The following ANTXR2 variants were observed in gnomAD, a reference collection of about 807,000 sequenced individuals.
The protein encoded by ANTXR2 is ANTXR cell adhesion molecule 2, also known as anthrax toxin receptor 2.
A neutral mutation model predicts 73.7 loss-of-function variants in ANTXR2; 44 were observed. That is an observed-to-expected ratio of 0.60 (90% CI 0.47 to 0.77). The LOEUF (loss-of-function observed/expected upper bound fraction) is 0.77. Among genes scored for constraint, ANTXR2 ranks in the 30% least tolerant of loss-of-function variants. ANTXR2 has a pLI of 0.00. For synonymous variants in ANTXR2, 217 were observed against 205.9 expected (o/e 1.05, Z -0.46); for missense variants, 604 against 592.5 (o/e 1.02, Z -0.20).
Position 79,984,834 on chromosome 4 carries a change from G to C in ANTXR2, c.1071C>G (p.Ala357=), listed in dbSNP as rs1464723065. ...VVIKDPPPPP[A]PAPKEEEEEP... The stretch of plus-strand genomic sequence containing the variant: ...ACTCACTTACCTCTTTTGGTGCAGG[G>C]GCGGGTGGTGGTGGAGGATCCTTAA... Residue 357 remains alanine, a synonymous_variant, in exon 13 of 17, where the codon GCC becomes GCG. Transcript: ENST00000403729. 10 of 1,528,584 alleles carry C rather than the reference G, an allele frequency of 6.5e-6. No homozygotes were observed. Among genetic ancestry groups the C allele is most frequent in the East Asian group, 2.2e-5 (1 of 44,596 alleles). 94.7% of individuals were successfully genotyped at this position (1,528,584 alleles called of 1,614,324 possible).
At chr4:79,980,410 A>T (rs1251313831) in intron 14 of ANTXR2, among the ~76,000 whole-genome samples, 1 of 152,188 alleles carries the variant, frequency 6.6e-6, no homozygotes, top group Non-Finnish European at 1.5e-5. Context: ...GAGACAGTTA[A>T]AAAGGACAAA....
chr4:79,930,227 C>A (rs1005252072), intron 16 of ANTXR2, among the ~76,000 whole-genome samples: 11 of 152,120 alleles, frequency 7.2e-5, no homozygotes, highest in Middle Eastern at 6.8e-3. Context: ...AAATTAAATA[C>A]ATTACAATTT....
intron 1 of ANTXR2, 51 bp downstream of exon 1, chr4:80,072,358 G>T: frequency 6.6e-7 from 1 of 1,511,546 alleles, no homozygotes; most frequent in South Asian, 1.3e-5. Context: ...AGCCCCAGCT[G>T]ATCCAGTGCC....
In ANTXR2 at chr4:79,997,262, TA is replaced by T. The variant is rs978785153; in HGVS notation, c.1041+11258del. Among the ~76,000 whole-genome samples, 478 of 147,814 alleles carry T rather than the reference TA, an allele frequency of 3.2e-3. 3 individuals carry two copies. The highest frequency in any genetic ancestry group is 0.011 in the African/African-American group (434 of 40,532). The stretch of plus-strand genomic sequence containing the variant: ...CTGTCAACATTGAATTGCCTTGGAT[TA>T]AAAAAAAAAGATATTGTACAATGAC... On this transcript the variant is annotated intron_variant, in intron 12 of 16. Coordinates refer to ENST00000403729, the MANE Select transcript of ANTXR2 (RefSeq NM_058172.6).
chr4:79,953,761 T>C (rs1466717298), intron 16 of ANTXR2, among the ~76,000 whole-genome samples: 1 of 152,134 alleles, frequency 6.6e-6, no homozygotes, highest in Non-Finnish European at 1.5e-5. Context: ...GGACAATATC[T>C]GTAGGTGCTT....
At chr4:79,909,535 G>C (rs574394950) in intron 16 of ANTXR2, among the ~76,000 whole-genome samples, 2 of 115,572 alleles carry the variant, frequency 1.7e-5, no homozygotes, top group Non-Finnish European at 4.0e-5. Context: ...ATGGAAACTT[G>C]AAGGAAGAAA....
chr4:79,929,908 A>G (rs1347851581), intron 16 of ANTXR2, among the ~76,000 whole-genome samples: 1 of 152,206 alleles, frequency 6.6e-6, no homozygotes, highest in Non-Finnish European at 1.5e-5. Context: ...TGCTTCTCTA[A>G]ATGCTTTATA....
chr4:80,019,063 G>T, intron 10 of ANTXR2, 87 bp from the exon 11 acceptor site: 4 of 893,382 alleles, frequency 4.5e-6, no homozygotes, highest in South Asian at 4.2e-5. Flanking sequence ...TTCAAAACCA[G>T]CCAGAAAACA....
intron 16 of ANTXR2, among the ~76,000 whole-genome samples, chr4:79,957,543 C>T (rs181492072): frequency 1.3e-5 from 2 of 152,172 alleles, no homozygotes; most frequent in African/African-American, 4.8e-5. Flanking sequence ...ACTTCACTGT[C>T]ATTAGAGGTA....
intron 10 of ANTXR2, among the ~76,000 whole-genome samples, chr4:80,026,956 TA>T: frequency 6.6e-6 from 1 of 152,234 alleles, no homozygotes; most frequent in South Asian, 2.1e-4. Context: ...ATCACATTGA[TA>T]GATATAATTT....
chr4:79,978,133 C>G lies in ANTXR2; in HGVS notation c.1221G>C (p.Arg407Ser). The G allele has an allele frequency of 1.2e-6, 2 of 1,613,884 alleles. No individual in the cohort carries two copies. Among genetic ancestry groups the G allele is most frequent in the Non-Finnish European group, 1.7e-6 (2 of 1,179,876 alleles). ...CCACAGCATTTTTGGCTTTCTCTAG[C>G]CTTGCACCTTCCTCAGTAGATCCTT... ...GDKGSTEEGA[R>S]LEKAKNAVVK... The change falls in exon 15 of 17, where the codon AGG becomes AGC. Residue 407 changes from arginine to serine, a missense_variant. Transcript: ENST00000403729.
At chr4:79,966,255 T>C (rs575829907) in intron 16 of ANTXR2, among the ~76,000 whole-genome samples, 2 of 152,240 alleles carry the variant, frequency 1.3e-5, no homozygotes, top group Non-Finnish European at 2.9e-5. Context: ...ATACTACCAC[T>C]TGGGCATCGT....
chr4:79,909,106 T>TA (rs1267528462), intron 16 of ANTXR2, among the ~76,000 whole-genome samples: 1 of 152,190 alleles, frequency 6.6e-6, no homozygotes, highest in African/African-American at 2.4e-5. Context: ...GATCAACATT[T>TA]AAAATATTAT....
chr4:79,937,471 G>T (rs1216795954), intron 16 of ANTXR2, among the ~76,000 whole-genome samples: 2 of 152,078 alleles, frequency 1.3e-5, no homozygotes, highest in Non-Finnish European at 2.9e-5. Context: ...GTGACTTTTT[G>T]TGCCACTTGC....
At chr4:80,045,036 T>C (rs1733454816) in intron 7 of ANTXR2, among the ~76,000 whole-genome samples, 1 of 151,788 alleles carries the variant, frequency 6.6e-6, no homozygotes, top group Non-Finnish European at 1.5e-5. Flanking sequence ...TCAAAGCATA[T>C]TTTCAGTTAC....
intron 16 of ANTXR2, among the ~76,000 whole-genome samples, chr4:79,937,513 A>G (rs563775269): frequency 6.6e-6 from 1 of 152,264 alleles, no homozygotes; most frequent in Non-Finnish European, 1.5e-5. Flanking sequence ...CTAATTTGCA[A>G]TTTGTATCTA....
chr4:79,962,512 T>C (rs767239558), intron 16 of ANTXR2, among the ~76,000 whole-genome samples: 1 of 152,174 alleles, frequency 6.6e-6, no homozygotes, highest in Non-Finnish European at 1.5e-5. Context: ...ACTAGTGGTA[T>C]TCTTTTCCAG....
At chr4:79,949,449 C>T (rs1393175394) in intron 16 of ANTXR2, among the ~76,000 whole-genome samples, 1 of 152,160 alleles carries the variant, frequency 6.6e-6, no homozygotes, top group Non-Finnish European at 1.5e-5. Flanking sequence ...TAATCCTTAT[C>T]GCTATGGTCT....
At chr4:79,913,230 A>G (rs1469932253) in intron 16 of ANTXR2, among the ~76,000 whole-genome samples, 1 of 152,168 alleles carries the variant, frequency 6.6e-6, no homozygotes, top group Non-Finnish European at 1.5e-5. Context: ...TACAATTACT[A>G]TCTTGGTGTA....
Sources: gnomAD v4.1 joint callset for allele counts (sites outside exome capture counted in the v4.1 genomes callset) on GRCh38, gnomAD v4.1.1 for gene constraint, MANE v1.5 for transcripts, NCBI Gene and HGNC (gene_info 2026-07-23, HGNC 2026-07-21) for gene names.